The following ADCY3 variants were observed in gnomAD, a reference collection of about 807,000 sequenced individuals.
The protein encoded by ADCY3 is adenylate cyclase 3.
A neutral mutation model predicts 119.4 loss-of-function variants in ADCY3; 70 were observed. That is an observed-to-expected ratio of 0.59 (90% CI 0.48 to 0.72). ADCY3 has a LOEUF of 0.72. Among genes scored for constraint, ADCY3 ranks in the 30% least tolerant of loss-of-function variants. The probability of loss-of-function intolerance (pLI) is 0.00; values close to 1 mark genes in which losing one functional copy is unlikely to be tolerated. For missense variants in ADCY3, 1,238 were observed against 1,541.6 expected, an observed-to-expected ratio of 0.80 and a Z score of 3.30; for synonymous variants, 672 against 621.4, an observed-to-expected ratio of 1.08 and a Z score of -1.21.
rs1053598968 is a variant in ADCY3, at chr2:24,841,842, C to T, written c.957-175G>A. On this transcript the variant is annotated intron_variant, in intron 4 of 21. Transcript: ENST00000679454. This position sits in a 1 kb window ranked among gnomAD's most constrained non-coding sequence, Gnocchi z 5.8. Reference sequence around the variant, plus strand: ...CTTCCAGGTAAAGTCAGGGCTCTGACCTTGCACTTGTCCTAGCAGACTTCC... The same window carrying T: ...CTTCCAGGTAAAGTCAGGGCTCTGATCTTGCACTTGTCCTAGCAGACTTCC... Among the ~76,000 whole-genome samples, 1 of 152,142 alleles carries T rather than the reference C, an allele frequency of 6.6e-6. No homozygotes were observed. The highest frequency in any genetic ancestry group is 2.4e-5 in the African/African-American group (1 of 41,428).
intron 3 of ADCY3, among the ~76,000 whole-genome samples, chr2:24,863,139 T>C (rs561463910): frequency 1.3e-5 from 2 of 152,288 alleles, no homozygotes; most frequent in East Asian, 1.9e-4. Flanking sequence ...GTCAACTTGA[T>C]TGGATTGAAG....
In ADCY3 at chr2:24,838,488, G is replaced by A. The variant is rs1288781289; in HGVS notation, c.1490C>T (p.Pro497Leu). The change falls in exon 8 of 22, where the codon CCA becomes CTA. Residue 497 changes from proline (P) to leucine (L), a missense_variant. Pro to Leu is a moderately conservative substitution (Grantham distance 98, BLOSUM62 -3). Transcript: ENST00000679454. ...IETYLIIASK[P>L]EVKKTATQNG... ...CTGGGTGGCTGTTTTCTTCACCTCT[G>A]GCTTGGAGGCAATGATGAGGTAGGT... is the stretch of plus-strand genomic sequence containing the variant. 1.9e-6 allele frequency: 3 copies of A among 1,613,970 alleles called. No individual in the cohort carries two copies. Among genetic ancestry groups the A allele is most frequent in the Non-Finnish European group, 2.5e-6 (3 of 1,180,022 alleles).
intron 11 of ADCY3, among the ~76,000 whole-genome samples, chr2:24,832,492 C>T (rs1669734616): frequency 6.6e-6 from 1 of 152,164 alleles, no homozygotes; most frequent in African/African-American, 2.4e-5. Flanking sequence ...CTCCCGGAAA[C>T]CTGTTCTCTA....
In ADCY3 at chr2:24,819,799, A is replaced by T; in HGVS notation, c.*133T>A. On this transcript the variant is annotated 3_prime_UTR_variant, in exon 22 of 22. Coordinates refer to ENST00000679454, the MANE Select transcript of ADCY3 (RefSeq NM_004036.5). ...CCTCAGAGCTCACACATCCACGAAC[A>T]AATGAAGGCTGAGGAGGTTTCTAAA... 1 of 964,904 alleles carries T rather than the reference A, an allele frequency of 1.0e-6. No individual in the cohort carries two copies. The highest frequency in any genetic ancestry group is 1.7e-5 in the South Asian group (1 of 57,950). The allele number at this position is 964,904 out of a possible 1,614,324, so 59.8% of individuals were successfully genotyped here.
At chr2:24,867,169 A>G (rs1339844381) in intron 3 of ADCY3, among the ~76,000 whole-genome samples, 1 of 152,232 alleles carries the variant, frequency 6.6e-6, no homozygotes, top group East Asian at 1.9e-4. Flanking sequence ...AAGCAACCAC[A>G]GGAAAAAGTA....
In ADCY3 at chr2:24,838,457, G is replaced by A. The variant is rs776143705; in HGVS notation, c.1521C>T (p.Gly507=). 31 of 1,612,836 alleles carry A rather than the reference G, an allele frequency of 1.9e-5. No homozygotes were observed. The highest frequency in any genetic ancestry group is 2.5e-5 in the Non-Finnish European group (29 of 1,179,990). ...GTGGGGAACTCACCGAGCCATTGAG[G>A]CCATTCTGGGTGGCTGTTTTCTTCA... The part of the protein sequence containing the change: ...PEVKKTATQN[G]LNGSALPNGA... The change falls in exon 8 of 22, where the codon GGC becomes GGT. Residue 507 remains glycine (G), a synonymous_variant. Transcript: ENST00000679454.
Position 24,839,987 on chromosome 2 carries a change from C to A in ADCY3, c.1241G>T (p.Gly414Val). ...KTKTGVDMRVGVHTGTVLGGV... is the reference protein window; with the variant it reads ...KTKTGVDMRVVVHTGTVLGGV... ...CCCCAGCACGGTGCCCGTGTGCACC[C>A]CCACACGCATGTCCACCCCAGTCTT... Residue 414 changes from glycine to valine, a missense_variant, in exon 7 of 22, where the codon GGG becomes GTG. Coordinates refer to ENST00000679454, the MANE Select transcript of ADCY3 (RefSeq NM_004036.5). 6.2e-7 allele frequency: 1 copy of A among 1,613,762 alleles called. No individual in the cohort carries two copies. The highest frequency in any genetic ancestry group is 1.1e-5 in the South Asian group (1 of 91,066).
chr2:24,835,660 G>A (rs1379284054), intron 9 of ADCY3, among the ~76,000 whole-genome samples: 1 of 152,160 alleles, frequency 6.6e-6, no homozygotes, highest in African/African-American at 2.4e-5. Flanking sequence ...CTGGGGCCGG[G>A]CACGGTGACT....
At position 24,918,530 on chromosome 2, in the gene ADCY3, GAGA is replaced by G. The variant is rs1433120949; in HGVS notation, c.455_457del (p.Phe152del). ...ACGCGCGAAGTTCAGGCCCAGGTAG[GAGA>G]AGATCTGGGCGGTTATGAGCAGCCA... On this transcript the variant is annotated inframe_deletion, in exon 2 of 22. Coordinates refer to ENST00000679454, the MANE Select transcript of ADCY3 (RefSeq NM_004036.5). This position sits in a 1 kb window ranked among gnomAD's most constrained non-coding sequence, Gnocchi z 5.4. The G allele has an allele frequency of 5.0e-6, 8 of 1,613,860 alleles. No individual in the cohort carries two copies. Among genetic ancestry groups the G allele is most frequent in the African/African-American group, 1.3e-5 (1 of 74,930 alleles).
intron 3 of ADCY3, among the ~76,000 whole-genome samples, chr2:24,861,602 A>G (rs1430092146): frequency 6.6e-6 from 1 of 152,166 alleles, no homozygotes; most frequent in East Asian, 1.9e-4. Flanking sequence ...TACAGGAGGA[A>G]AGTGAAACGG....
intron 2 of ADCY3, among the ~76,000 whole-genome samples, chr2:24,905,009 TAG>T: frequency 6.6e-6 from 1 of 152,212 alleles, no homozygotes; most frequent in South Asian, 2.1e-4. Context: ...CCCTGATTAT[TAG>T]AGTTATTAAC....
intron 2 of ADCY3, among the ~76,000 whole-genome samples, chr2:24,881,850 C>A (rs1017127159): frequency 6.6e-6 from 1 of 152,112 alleles, no homozygotes; most frequent in African/African-American, 2.4e-5. Flanking sequence ...ACTAGGAGAG[C>A]GGGTGCTACT....
intron 2 of ADCY3, among the ~76,000 whole-genome samples, chr2:24,912,740 C>T (rs1370391013): frequency 5.3e-5 from 8 of 152,094 alleles, no homozygotes; most frequent in Non-Finnish European, 1.0e-4. Context: ...ATAATAAACA[C>T]GAGGAGTCCA....
intron 2 of ADCY3, among the ~76,000 whole-genome samples, chr2:24,880,793 A>T (rs963593815): frequency 1.3e-5 from 2 of 152,162 alleles, no homozygotes; most frequent in Non-Finnish European, 2.9e-5. Context: ...AGGCGGGTGG[A>T]TCACCTGAGG....
chr2:24,822,949 C>T (rs1380832060), intron 18 of ADCY3, among the ~76,000 whole-genome samples: 1 of 152,102 alleles, frequency 6.6e-6, no homozygotes. Context: ...GGAGACAGTC[C>T]CAGGACAGAG....
chr2:24,886,845 G>T (rs1271427967), intron 2 of ADCY3, among the ~76,000 whole-genome samples: 1 of 152,224 alleles, frequency 6.6e-6, no homozygotes, highest in Non-Finnish European at 1.5e-5. Flanking sequence ...AGTGGGTGAG[G>T]TTAGCTGCTG....
Position 24,821,806 on chromosome 2 carries a change from C to T in ADCY3, c.3004-166G>A, listed in dbSNP as rs1426249322. ...CGCAGCCACGCTAGCTCTGACTTGC[C>T]ACTGTGACAAAGTTCACGTAGCAGG... On this transcript the variant is annotated intron_variant, in intron 19 of 21. Coordinates refer to ENST00000679454, the MANE Select transcript of ADCY3 (RefSeq NM_004036.5). 5 of 1,010,318 alleles carry T rather than the reference C, an allele frequency of 4.9e-6. No individual in the cohort carries two copies. In the South Asian group the frequency reaches 8.1e-5, roughly 16 times the overall value. 62.6% of individuals were successfully genotyped at this position (1,010,318 alleles called of 1,614,324 possible). A position where few individuals can be genotyped will look rare whatever the true frequency, so the allele number is the denominator to read the frequency against.
intron 11 of ADCY3, among the ~76,000 whole-genome samples, chr2:24,833,258 G>T (rs1669840981): frequency 6.6e-6 from 1 of 152,062 alleles, no homozygotes; most frequent in East Asian, 1.9e-4. Flanking sequence ...CGTGTAGGAG[G>T]CCCCACGTCT....
intron 2 of ADCY3, among the ~76,000 whole-genome samples, chr2:24,907,271 T>C (rs1451914768): frequency 6.7e-6 from 1 of 148,450 alleles, no homozygotes; most frequent in Admixed American, 6.8e-5. Flanking sequence ...CTACCAGATC[T>C]GACTCAGCCG....
Sources: gnomAD v4.1 joint callset for allele counts (sites outside exome capture counted in the v4.1 genomes callset) on GRCh38, gnomAD v4.1.1 for gene constraint, Gnocchi (gnomAD v3.1) non-coding constraint, MANE v1.5 for transcripts, NCBI Gene and HGNC (gene_info 2026-07-23, HGNC 2026-07-21) for gene names.